The following MED13 variants were observed in gnomAD, a reference collection of about 807,000 sequenced individuals.
MED13 encodes mediator complex subunit 13.
Under a neutral mutation model 225.2 loss-of-function variants are expected in MED13, and 23 were observed. That is an observed-to-expected ratio of 0.10 (90% CI 0.07 to 0.14). The LOEUF is 0.14. Among genes scored for constraint, MED13 ranks in the 10% least tolerant of loss-of-function variants. The pLI is 1.00. For missense variants in MED13, 2,197 were observed against 2,594.5 expected (o/e 0.85, Z 3.33); for synonymous variants, 942 against 889.2 (o/e 1.06, Z -1.06).
chr17:61,970,106 T>G (rs969145012), intron 17 of MED13, among the ~76,000 whole-genome samples: 1 of 152,216 alleles, frequency 6.6e-6, no homozygotes. Flanking sequence ...GCTCTTTGCA[T>G]GTACTAACTC....
intron 9 of MED13, among the ~76,000 whole-genome samples, chr17:62,003,226 C>T (rs1364641476): frequency 6.6e-6 from 1 of 152,142 alleles, no homozygotes; most frequent in Non-Finnish European, 1.5e-5. Context: ...GTTAACATAG[C>T]AGCTAAGCCT....
chr17:62,064,650 G>C (rs2143795350), intron 1 of MED13, among the ~76,000 whole-genome samples: 1 of 152,110 alleles, frequency 6.6e-6, no homozygotes, highest in East Asian at 1.9e-4. Flanking sequence ...CCTGGCGTTA[G>C]TTTGACTCAT....
At chr17:61,966,317 C>G in intron 19 of MED13, 145 bp downstream of exon 19, 1 of 658,278 alleles carries the variant, frequency 1.5e-6, no homozygotes, top group South Asian at 2.1e-5. Context: ...CTACTCAGCT[C>G]CAATGTTGTA....
At position 62,063,187 on chromosome 17, in the gene MED13, G is replaced by T; in HGVS notation, c.181C>A (p.Leu61Ile). The T allele has an allele frequency of 6.2e-7, 1 of 1,614,112 alleles. No individual in the cohort carries two copies. The highest frequency in any genetic ancestry group is 1.3e-5 in the African/African-American group (1 of 75,016). The change falls in exon 2 of 30, where the codon CTT becomes ATT. Residue 61 changes from leucine to isoleucine, a missense_variant. Physicochemically the swap from Leu to Ile is conservative, Grantham distance 5. Around this residue, in one of 12 missense-constraint regions of MED13, gnomAD observed 884 missense variants for 918.5 expected, o/e 0.96. Coordinates refer to ENST00000397786, the MANE Select transcript of MED13 (RefSeq NM_005121.3). ...DPILSSFSRC[L>I]KADVLGVWRR... ...CAAACACCAAGTACATCTGCCTTAA[G>T]GCAGCGACTAAAACTGCTCAAAATG...
chr17:61,961,911 T>C lies in MED13; in HGVS notation c.5065-132A>G, dbSNP rs564814324. 1.2e-4 allele frequency: 102 copies of C among 867,304 alleles called. No individual in the cohort carries two copies. In the African/African-American group the frequency reaches 1.5e-3, roughly 12 times the overall value. The allele number at this position is 867,304 out of a possible 1,614,324, so 53.7% of individuals were successfully genotyped here. A position where few individuals can be genotyped will look rare whatever the true frequency, so the allele number is the denominator to read the frequency against. ...CCTAATTTAAATGAAAATTTAACGA[T>C]TGTTTTCTTATCTATTATGTAGGCT... On this transcript the variant is annotated intron_variant, in intron 21 of 29. Coordinates refer to ENST00000397786, the MANE Select transcript of MED13 (RefSeq NM_005121.3).
intron 2 of MED13, among the ~76,000 whole-genome samples, chr17:62,057,073 CAAAA>C (rs965556194): frequency 2.6e-5 from 4 of 151,898 alleles, no homozygotes; most frequent in Non-Finnish European, 5.9e-5. Context: ...ACATTTTTCT[CAAAA>C]AAATGGCATC....
chr17:62,002,802 TGAA>T (rs2080408407), intron 9 of MED13, among the ~76,000 whole-genome samples: 1 of 152,262 alleles, frequency 6.6e-6, no homozygotes, highest in African/African-American at 2.4e-5. Context: ...ATCTCCCCAA[TGAA>T]GTCAATCAGT....
intron 8 of MED13, among the ~76,000 whole-genome samples, chr17:62,015,327 G>T (rs1271386967): frequency 6.6e-6 from 1 of 152,092 alleles, no homozygotes; most frequent in Admixed American, 6.5e-5. Flanking sequence ...CAAGAGCATA[G>T]CATAAGGATT....
intron 1 of MED13, among the ~76,000 whole-genome samples, chr17:62,064,248 T>C (rs2081063612): frequency 1.3e-5 from 2 of 152,234 alleles, no homozygotes; most frequent in Admixed American, 6.5e-5. Context: ...GAAGCTCAGC[T>C]ACTGTCCCAT....
At chr17:62,015,197 CATA>C (rs959547131) in intron 8 of MED13, among the ~76,000 whole-genome samples, 3 of 152,148 alleles carry the variant, frequency 2.0e-5, no homozygotes, top group African/African-American at 7.2e-5. Context: ...GACAAGGTAT[CATA>C]ATATTAGGTA....
At chr17:61,988,104 T>C (rs987990569) in intron 11 of MED13, among the ~76,000 whole-genome samples, 1 of 152,108 alleles carries the variant, frequency 6.6e-6, no homozygotes, top group Non-Finnish European at 1.5e-5. Flanking sequence ...AGCTGACTCT[T>C]GGGCCAGACA....
At chr17:62,015,911 T>TAC (rs1181563177) in intron 8 of MED13, among the ~76,000 whole-genome samples, 851 of 33,702 alleles carry the variant, frequency 0.025, 64 homozygotes, top group African/African-American at 0.065. Context: ...ATACACACTA[T>TAC]ACACATATAT....
intron 3 of MED13, among the ~76,000 whole-genome samples, chr17:62,046,146 C>A (rs2080895636): frequency 6.6e-6 from 1 of 152,094 alleles, no homozygotes; most frequent in Non-Finnish European, 1.5e-5. Flanking sequence ...TCTAGAAATG[C>A]ATTAATTTAT....
chr17:62,031,317 A>C, intron 6 of MED13, 127 bp downstream of exon 6: 1 of 799,570 alleles, frequency 1.3e-6, no homozygotes, highest in Non-Finnish European at 1.9e-6. Flanking sequence ...GGCTAAGGAA[A>C]TTACTTGTAC....
At chr17:62,054,054 C>T (rs895873413) in intron 2 of MED13, among the ~76,000 whole-genome samples, 3 of 152,088 alleles carry the variant, frequency 2.0e-5, no homozygotes, top group African/African-American at 7.2e-5. Context: ...CGCCTGTAAT[C>T]CTAGCACTTT....
chr17:62,028,033 C>A (rs1299127691), intron 8 of MED13, among the ~76,000 whole-genome samples: 1 of 152,124 alleles, frequency 6.6e-6, no homozygotes, highest in African/African-American at 2.4e-5. Flanking sequence ...CCATCCGACC[C>A]AGCAACCCCA....
At chr17:62,003,651 T>C (rs1180135144) in intron 9 of MED13, 1 of 143,154 alleles carries the variant, frequency 7.0e-6, no homozygotes, top group Admixed American at 6.9e-5. Context: ...ATGATACACA[T>C]TTCAGTAACT....
At chr17:62,014,499 T>C (rs543777617) in intron 8 of MED13, among the ~76,000 whole-genome samples, 3 of 151,962 alleles carry the variant, frequency 2.0e-5, no homozygotes, top group Non-Finnish European at 4.4e-5. Flanking sequence ...GTATTTTCAG[T>C]AGAGGTGGGG....
At chr17:61,959,498 G>C (rs923495487) in intron 23 of MED13, among the ~76,000 whole-genome samples, 10 of 151,690 alleles carry the variant, frequency 6.6e-5, no homozygotes, top group Admixed American at 2.0e-4. Context: ...AATCAAAATT[G>C]TATCAAGGAA....
Sources: gnomAD v4.1 joint callset for allele counts (sites outside exome capture counted in the v4.1 genomes callset) on GRCh38, gnomAD v4.1.1 for gene constraint, gnomAD v4.1.1 regional missense constraint, MANE v1.5 for transcripts, NCBI Gene and HGNC (gene_info 2026-07-23, HGNC 2026-07-21) for gene names.